Variants in C13orf46 observed in about 807,000 individuals in gnomAD.
The protein encoded by C13orf46 is chromosome 13 open reading frame 46, also known as uncharacterized protein C13orf46.
At chr13:113,967,514 A>C (rs973667521) in intron 4 of C13orf46, 126 bp from the exon 5 acceptor site, 1 of 152,274 alleles carries the variant, frequency 6.6e-6, no homozygotes, top group Non-Finnish European at 1.5e-5. Context: ...GGTGATGACC[A>C]TCAGGTCCCC....
the C13orf46 span, among the ~76,000 whole-genome samples, chr13:113,944,557 G>A: frequency 3.3e-5 from 5 of 151,926 alleles, no homozygotes; most frequent in Middle Eastern, 3.4e-3. Context: ...GAGTCCTGCA[G>A]GTGTGTGCTG....
rs1233900320 is a variant in C13orf46, at chr13:113,955,386, C to T, written c.*1387G>A. The T allele has an allele frequency of 0.12, 16,691 of 140,732 alleles. 1,238 individuals are homozygous for T. The highest frequency in any genetic ancestry group is 0.18 in the Middle Eastern group (34 of 190). 8.7% of individuals were successfully genotyped at this position (140,732 alleles called of 1,614,324 possible). A position where few individuals can be genotyped will look rare whatever the true frequency, so the allele number is the denominator to read the frequency against. Reference sequence around the variant, plus strand: ...GCATCCGGCGGAGAGGAGGAGCATCCGGCGGAGACGAGGAGCATCCGGCGG... The same window carrying T: ...GCATCCGGCGGAGAGGAGGAGCATCTGGCGGAGACGAGGAGCATCCGGCGG... On this transcript the variant is annotated 3_prime_UTR_variant, in exon 7 of 7. Transcript: ENST00000636427.
chr13:113,960,975 G>A (rs1477424706), intron 6 of C13orf46, among the ~76,000 whole-genome samples: 1 of 152,208 alleles, frequency 6.6e-6, no homozygotes, highest in Non-Finnish European at 1.5e-5. Flanking sequence ...AGACAACTGA[G>A]CTTTAAAAGG....
chr13:113,972,644 G>A (rs544202584), intron 1 of C13orf46, among the ~76,000 whole-genome samples: 47 of 152,334 alleles, frequency 3.1e-4, no homozygotes, highest in Non-Finnish European at 1.2e-4. Context: ...ACATCTCAGA[G>A]TGGCGAGTGT....
the C13orf46 span, among the ~76,000 whole-genome samples, chr13:113,930,979 G>A: frequency 6.6e-6 from 1 of 152,224 alleles, no homozygotes; most frequent in Non-Finnish European, 1.5e-5. Context: ...CCCGTGGGTG[G>A]CGAGAGGGAG....
chr13:113,952,696 G>T (rs1176846314), downstream of C13orf46, among the ~76,000 whole-genome samples: 3 of 152,206 alleles, frequency 2.0e-5, no homozygotes, highest in Non-Finnish European at 4.4e-5. Flanking sequence ...TCCTTCTAGG[G>T]GGAGCCTGGG....
At chr13:113,933,772 G>T in the C13orf46 span, among the ~76,000 whole-genome samples, 1 of 152,256 alleles carries the variant, frequency 6.6e-6, no homozygotes, top group East Asian at 1.9e-4. Flanking sequence ...ACAAAAAGTT[G>T]CCGAATAGTA....
At chr13:113,937,891 T>C in the C13orf46 span, among the ~76,000 whole-genome samples, 2 of 152,218 alleles carry the variant, frequency 1.3e-5, no homozygotes, top group Non-Finnish European at 2.9e-5. Flanking sequence ...CTGTGTGCGT[T>C]TGTCTCACGG....
chr13:113,952,318 C>T (rs1159164510), downstream of C13orf46, among the ~76,000 whole-genome samples: 7 of 113,508 alleles, frequency 6.2e-5, no homozygotes, highest in Non-Finnish European at 9.1e-5. Context: ...GCCACCCCTC[C>T]GCCTGCCCAG....
intron 1 of C13orf46, among the ~76,000 whole-genome samples, chr13:113,970,992 A>G (rs2052698945): frequency 6.6e-6 from 1 of 152,094 alleles, no homozygotes; most frequent in South Asian, 2.1e-4. Context: ...CTAGTTAAAC[A>G]CTGAGTTCTC....
intron 5 of C13orf46, among the ~76,000 whole-genome samples, 165 bp from the exon 6 acceptor site, chr13:113,965,159 C>A (rs2052623744): frequency 6.6e-6 from 1 of 152,170 alleles, no homozygotes; most frequent in Non-Finnish European, 1.5e-5. Flanking sequence ...GGAACCTGAC[C>A]AAGGAACTGC....
chr13:113,936,196 A>T, the C13orf46 span, among the ~76,000 whole-genome samples: 1 of 152,174 alleles, frequency 6.6e-6, no homozygotes, highest in Non-Finnish European at 1.5e-5. Context: ...TGAGCAAGTA[A>T]CTGCCAGCGG....
In C13orf46 at chr13:113,960,251, G is replaced by A. The variant is rs1180959930; in HGVS notation, c.573-3412C>T. Among the ~76,000 whole-genome samples, 3 of 94,694 alleles carry A rather than the reference G, an allele frequency of 3.2e-5. No homozygotes were observed. In the East Asian group the frequency reaches 7.9e-4, roughly 25 times the overall value. The allele number at this position is 94,694 out of a possible 152,430, so 62.1% of individuals were successfully genotyped here. Reference sequence around the variant, plus strand: ...AGCCTGGGCGACAGAGCGAGACTCTGTCTCAAAAAAAAAGATTGAGCTTTG... The same window carrying A: ...AGCCTGGGCGACAGAGCGAGACTCTATCTCAAAAAAAAAGATTGAGCTTTG... On this transcript the variant is annotated intron_variant, in intron 6 of 6. Transcript: ENST00000636427.
chr13:113,949,671 A>T (rs2052481493), downstream of C13orf46, among the ~76,000 whole-genome samples: 1 of 152,218 alleles, frequency 6.6e-6, no homozygotes, highest in Non-Finnish European at 1.5e-5. Context: ...ACACCCGCAG[A>T]TGCCCCGACA....
chr13:113,935,897 G>A, the C13orf46 span, among the ~76,000 whole-genome samples: 4 of 152,232 alleles, frequency 2.6e-5, no homozygotes, highest in Admixed American at 6.5e-5. Context: ...TTTATGAATC[G>A]TGATCACAGA....
At chr13:113,949,805 G>A (rs1022441130), downstream of C13orf46, among the ~76,000 whole-genome samples, 8 of 149,210 alleles carry the variant, frequency 5.4e-5, no homozygotes, top group Non-Finnish European at 8.9e-5. Flanking sequence ...TGCTCCCATC[G>A]CCCCCTGCCT....
At chr13:113,966,404 GTGATGA>G (rs1193183908) in intron 5 of C13orf46, among the ~76,000 whole-genome samples, 18 of 150,338 alleles carry the variant, frequency 1.2e-4, no homozygotes, top group African/African-American at 3.2e-4. Flanking sequence ...ATTAATGATG[GTGATGA>G]TGATGATGAT....
At chr13:113,938,707 C>T in the C13orf46 span, among the ~76,000 whole-genome samples, 42 of 152,270 alleles carry the variant, frequency 2.8e-4, 1 homozygote, top group East Asian at 7.7e-3. Context: ...CACTGGGAGT[C>T]GCTCCCTTCC....
the C13orf46 span, among the ~76,000 whole-genome samples, chr13:113,938,489 C>T: frequency 1.3e-5 from 2 of 152,154 alleles, no homozygotes; most frequent in East Asian, 1.9e-4. Context: ...CTCTTTGACC[C>T]GCCCACCTGC....
Sources: allele counts gnomAD v4.1 joint callset (sites outside exome capture counted in the v4.1 genomes callset), GRCh38; gene constraint gnomAD v4.1.1; transcripts MANE v1.5; gene names NCBI Gene and HGNC (gene_info 2026-07-23, HGNC 2026-07-21).